Variants in MICAL3 observed in about 807,000 individuals in gnomAD.
MICAL3 encodes [F-actin]-monooxygenase MICAL3.
Under a neutral mutation model 207.4 loss-of-function variants are expected in MICAL3, and 62 were observed. The observed-to-expected ratio is 0.30, with a 90% confidence interval of 0.24 to 0.37. MICAL3 has a LOEUF of 0.37. Among genes scored for constraint, MICAL3 ranks in the 10% least tolerant of loss-of-function variants. The pLI is 1.00. For missense variants in MICAL3, 2,368 were observed against 2,635.6 expected (o/e 0.90, Z 2.22); for synonymous variants, 1,077 against 1,069.3 (o/e 1.01, Z -0.14).
chr22:17,920,418 T>C (rs1436637315), intron 1 of MICAL3, among the ~76,000 whole-genome samples: 1 of 152,080 alleles, frequency 6.6e-6, no homozygotes, highest in Non-Finnish European at 1.5e-5. Context: ...ATCTGGCCTC[T>C]GTCTCCAACA....
chr22:17,997,771 C>T (rs1044716869), intron 1 of MICAL3, among the ~76,000 whole-genome samples: 1 of 152,154 alleles, frequency 6.6e-6, no homozygotes, highest in Non-Finnish European at 1.5e-5. Flanking sequence ...ATGATAAGTT[C>T]TACCTTGAAT....
chr22:17,875,622 T>C (rs750993442), intron 16 of MICAL3: 12 of 902,238 alleles, frequency 1.3e-5, no homozygotes, highest in East Asian at 3.4e-5. Context: ...CACTGACCTC[T>C]GAACATAAGA....
chr22:17,822,992 C>T lies in MICAL3; in HGVS notation c.3262G>A (p.Ala1088Thr), dbSNP rs780972584. The T allele has an allele frequency of 1.2e-5, 20 of 1,613,788 alleles. No individual in the cohort carries two copies. In the African/African-American group the frequency reaches 1.7e-4, roughly 14 times the overall value. ...GTGTCCCCTGGGTCCCCATCCTCTG[C>T]TGCCTCCCCTTCTATCTCGGCTGGT... ...SEPAEIEGEA[A>T]EDGDPGDTGA... Residue 1088 changes from alanine to threonine, a missense_variant, in exon 23 of 32, where the codon GCA (alanine) becomes ACA (threonine). By Grantham distance (58) the Ala-to-Thr change is moderately conservative. Transcript: ENST00000441493.
intron 29 of MICAL3, among the ~76,000 whole-genome samples, chr22:17,792,915 G>T (rs765148992): frequency 4.6e-5 from 7 of 152,222 alleles, no homozygotes; most frequent in Non-Finnish European, 8.8e-5. Context: ...CATTGCTTTC[G>T]GAGCGTCTCT....
chr22:17,818,139 C>T lies in MICAL3; in HGVS notation c.4522G>A (p.Glu1508Lys), dbSNP rs1408733096. 1 of 1,608,452 alleles carries T rather than the reference C, an allele frequency of 6.2e-7. No homozygotes were observed. The highest frequency in any genetic ancestry group is 1.7e-5 in the Admixed American group (1 of 59,388). The change falls in exon 26 of 32, where the codon GAG (glutamate) becomes AAG (lysine). Residue 1508 changes from glutamate to lysine, a missense_variant. Physicochemically the swap from Glu to Lys is moderately conservative, Grantham distance 56 (BLOSUM62 1). This residue lies in a region of MICAL3 where 1,770 missense variants were observed against 1,863.2 expected (regional missense o/e 0.95). Transcript: ENST00000441493. ...CTCTCCACAAACGACTTCCGCACCTCCTCTCTGGGGGGCTGAGCAGGCTCC... is the reference window on the plus strand; with the variant it reads ...CTCTCCACAAACGACTTCCGCACCTTCTCTCTGGGGGGCTGAGCAGGCTCC... ...PREPAQPPRE[E>K]VRKSFVESVE...
At chr22:18,018,284 G>A (rs187394304) in intron 1 of MICAL3, among the ~76,000 whole-genome samples, 38 of 152,284 alleles carry the variant, frequency 2.5e-4, no homozygotes, top group Admixed American at 2.3e-3. Flanking sequence ...GCTAGCTCTT[G>A]AAGAATTTGA....
At chr22:17,802,959 GAACT>G (rs2061954925) in intron 29 of MICAL3, among the ~76,000 whole-genome samples, 2 of 152,250 alleles carry the variant, frequency 1.3e-5, no homozygotes, top group South Asian at 2.1e-4. Context: ...CCATTCCTCT[GAACT>G]AACACAAATG....
At chr22:17,898,814 G>A (rs1162898399) in intron 7 of MICAL3, among the ~76,000 whole-genome samples, 1 of 152,226 alleles carries the variant, frequency 6.6e-6, no homozygotes, top group African/African-American at 2.4e-5. Context: ...GAAACAGGCT[G>A]AGCTGGACCT....
rs556122305 is a variant in MICAL3, at chr22:17,830,153, T to G, written c.3055+1701A>C. 1.3e-3 allele frequency among the ~76,000 whole-genome samples: 194 copies of G among 152,236 alleles called. 2 individuals carry two copies. The highest frequency in any genetic ancestry group is 4.5e-3 in the African/African-American group (186 of 41,526). On this transcript the variant is annotated intron_variant, in intron 21 of 31. Coordinates refer to ENST00000441493, the MANE Select transcript of MICAL3 (RefSeq NM_015241.3). ...CTGTGTCCCAGGGGCAGTACTCCCC[T>G]TCTACAGCAGGGGGAGCCAGAGACC...
chr22:17,862,163 G>A (rs1034624791), intron 19 of MICAL3: 14 of 984,960 alleles, frequency 1.4e-5, no homozygotes, highest in South Asian at 4.7e-5. Context: ...TCTACTGGTC[G>A]AGTGCACAGT....
At chr22:17,967,445 C>T (rs1326788428) in intron 1 of MICAL3, among the ~76,000 whole-genome samples, 2 of 147,518 alleles carry the variant, frequency 1.4e-5, no homozygotes, top group African/African-American at 5.0e-5. Context: ...GTCTTGGCCA[C>T]TGGGCAGTGT....
chr22:17,938,322 A>C (rs1294090450), intron 1 of MICAL3, among the ~76,000 whole-genome samples: 1 of 152,190 alleles, frequency 6.6e-6, no homozygotes, highest in East Asian at 1.9e-4. Flanking sequence ...TAATACCTCC[A>C]TAGGGGGACC....
chr22:17,893,549 G>T (rs781393613), intron 11 of MICAL3, among the ~76,000 whole-genome samples: 72 of 152,158 alleles, frequency 4.7e-4, no homozygotes, highest in Non-Finnish European at 8.5e-4. Flanking sequence ...GTAATTCCGT[G>T]TGGTGGAGGC....
chr22:17,807,664 AC>A (rs2062001843), intron 29 of MICAL3, among the ~76,000 whole-genome samples: 1 of 151,498 alleles, frequency 6.6e-6, no homozygotes, highest in African/African-American at 2.4e-5. Context: ...TCCATTCTGG[AC>A]TCCCTCACTC....
rs1569078695 is a variant in MICAL3, at chr22:17,818,810, G to A, written c.3851C>T (p.Pro1284Leu). 1 of 1,566,794 alleles carries A rather than the reference G, an allele frequency of 6.4e-7. No individual in the cohort carries two copies. The change falls in exon 26 of 32, where the codon CCT becomes CTT. Residue 1284 changes from proline to leucine, a missense_variant. This residue lies in a region of MICAL3 where 1,770 missense variants were observed against 1,863.2 expected (regional missense o/e 0.95). Coordinates refer to ENST00000441493, the MANE Select transcript of MICAL3 (RefSeq NM_015241.3). Reference protein sequence around the residue: ...SPTQSPIRFQPAPAKTSTPLA... With the variant: ...SPTQSPIRFQLAPAKTSTPLA... ...TGGGGTGGATGTTTTGGCCGGGGCA[G>A]GCTGGAAGCGTATGGGGGACTGGGT...
At position 17,808,839 on chromosome 22, in the gene MICAL3, A is replaced by C. The variant is rs2062014335; in HGVS notation, c.5650+5T>G. 1 of 1,551,740 alleles carries C rather than the reference A, an allele frequency of 6.4e-7. No individual in the cohort carries two copies. Among genetic ancestry groups the C allele is most frequent in the African/African-American group, 1.4e-5 (1 of 73,086 alleles). On this transcript the variant is annotated splice_donor_5th_base_variant and intron_variant, in intron 29 of 31. Coordinates refer to ENST00000441493, the MANE Select transcript of MICAL3 (RefSeq NM_015241.3). The stretch of plus-strand genomic sequence containing the variant: ...AGCAGAGCTTAGGAGGGAGCCCGGC[A>C]GTACCTGCTTCGCCCCGGAGCGCCT...
intron 1 of MICAL3, among the ~76,000 whole-genome samples, chr22:17,962,234 G>A (rs1934944143): frequency 6.7e-6 from 1 of 149,974 alleles, no homozygotes; most frequent in South Asian, 2.1e-4. Context: ...TAACGTAAGT[G>A]CGAAAGCGAA....
chr22:17,863,527 A>G, intron 19 of MICAL3: 1 of 985,422 alleles, frequency 1.0e-6, no homozygotes, highest in Non-Finnish European at 1.2e-6. Context: ...GATCTTCAAG[A>G]TTGTAGAAGG....
intron 1 of MICAL3, among the ~76,000 whole-genome samples, chr22:17,988,989 T>C (rs1247792252): frequency 2.0e-5 from 3 of 152,106 alleles, no homozygotes; most frequent in African/African-American, 7.2e-5. Flanking sequence ...TTCCGGCCTT[T>C]TACAGAAACA....
Sources: gnomAD v4.1 joint callset for allele counts (sites outside exome capture counted in the v4.1 genomes callset) on GRCh38, gnomAD v4.1.1 for gene constraint, gnomAD v4.1.1 regional missense constraint, MANE v1.5 for transcripts, NCBI Gene and HGNC (gene_info 2026-07-23, HGNC 2026-07-21) for gene names.